NCAPH2: variants seen among roughly 807,000 people sequenced by gnomAD.
NCAPH2 encodes the protein condensin-2 complex subunit H2.
NCAPH2 carries 56 observed loss-of-function variants against 88.6 expected under a neutral mutation model. That is an observed-to-expected ratio of 0.63 (90% CI 0.51 to 0.79). NCAPH2 has a LOEUF of 0.79. NCAPH2 is among the 30% of genes least tolerant of loss of function. The pLI, the probability that NCAPH2 is intolerant of heterozygous loss-of-function variation, is 0.00. For synonymous variants in NCAPH2, 378 were observed against 313.6 expected (o/e 1.21, Z -2.17); for missense variants, 794 against 792.0 (o/e 1.00, Z -0.03).
chr22:50,508,472 GGTGGGCCGGCGGGTGGGGCTGCGGGGC>G, intron 1 of NCAPH2, 27 bp downstream of exon 1: 1 of 1,302,318 alleles, frequency 7.7e-7, no homozygotes, highest in Non-Finnish European at 1.0e-6. Context: ...AGTGACGCGG[GGTGGGCCGGCGGGTGGGGCTGCGGGGC>G]GGGGGCTCCG....
chr22:50,512,850 G>A (rs142823248), intron 1 of NCAPH2, among the ~76,000 whole-genome samples: 48 of 152,152 alleles, frequency 3.2e-4, no homozygotes, highest in Non-Finnish European at 6.8e-4. Context: ...TGGCCAGAAT[G>A]TTCTTCTAGT....
intron 2 of NCAPH2, among the ~76,000 whole-genome samples, chr22:50,517,073 C>T (rs2068944604): frequency 6.6e-6 from 1 of 152,162 alleles, no homozygotes; most frequent in African/African-American, 2.4e-5. Context: ...GGGCTGCAGG[C>T]CGTCGGCAGA....
chr22:50,522,550 C>T lies in NCAPH2; in HGVS notation c.1356C>T (p.Pro452=), dbSNP rs1232530415. 1.9e-6 allele frequency: 3 copies of T among 1,613,798 alleles called. No homozygotes were observed. In the South Asian group the frequency reaches 3.3e-5, roughly 18 times the overall value. ...EEYMEPEGAD[P]REAADLDAVP... ...ACATGGAGCCCGAGGGAGCAGACCC[C>T]AGGGAAGCCGCTGACCTTGGTAGGT... Residue 452 remains proline, a synonymous_variant, in exon 16 of 20, where the codon CCC becomes CCT. Transcript: ENST00000420993.
intron 8 of NCAPH2, 134 bp from the exon 9 acceptor site, chr22:50,519,056 A>G: frequency 1.2e-6 from 1 of 816,272 alleles, no homozygotes; most frequent in Non-Finnish European, 1.9e-6. Context: ...CACGACGAGG[A>G]TGGTGCAAGG....
intron 8 of NCAPH2, 69 bp downstream of exon 8, chr22:50,518,801 T>G: frequency 7.0e-7 from 1 of 1,433,078 alleles, no homozygotes; most frequent in Middle Eastern, 2.4e-4. Context: ...CAGCACCCAG[T>G]GGACAGGGCT....
At chr22:50,508,762 A>G (rs575229875) in intron 1 of NCAPH2, among the ~76,000 whole-genome samples, 2 of 152,338 alleles carry the variant, frequency 1.3e-5, no homozygotes, top group African/African-American at 4.8e-5. Flanking sequence ...CTTTTATTGC[A>G]GTTATTGCGA....
At chr22:50,514,301 G>A (rs77954081) in intron 1 of NCAPH2, among the ~76,000 whole-genome samples, 5,602 of 152,052 alleles carry the variant, frequency 0.037, 156 homozygotes, top group East Asian at 0.12. Flanking sequence ...CGTGGAGAGT[G>A]GACGGGAGGG....
chr22:50,521,222 CTG>C (rs367806998), intron 10 of NCAPH2, among the ~76,000 whole-genome samples, 186 bp downstream of exon 10: 2 of 152,344 alleles, frequency 1.3e-5, no homozygotes, highest in African/African-American at 4.8e-5. Context: ...GTGTTCCCCT[CTG>C]TGATCCAGGA....
In NCAPH2 at chr22:50,523,400, G is replaced by A; in HGVS notation, c.*25G>A. Reference sequence around the variant, plus strand: ...AGTGGGGAGCACCGAGGCAGGGGTGGGGGAATGTGTACTGAGGAGCCGTGT... The same window carrying A: ...AGTGGGGAGCACCGAGGCAGGGGTGAGGGAATGTGTACTGAGGAGCCGTGT... On this transcript the variant is annotated 3_prime_UTR_variant, in exon 20 of 20. Coordinates refer to ENST00000420993, the MANE Select transcript of NCAPH2 (RefSeq NM_152299.4). The A allele has an allele frequency of 6.5e-7, 1 of 1,532,562 alleles. No individual in the cohort carries two copies. The highest frequency in any genetic ancestry group is 2.5e-5 in the East Asian group (1 of 40,732). 94.9% of individuals were successfully genotyped at this position (1,532,562 alleles called of 1,614,324 possible).
chr22:50,520,732 T>C (rs2069063907), intron 9 of NCAPH2: 2 of 486,108 alleles, frequency 4.1e-6, no homozygotes, highest in Admixed American at 3.6e-5. Flanking sequence ...CTAATTTTTT[T>C]TGCATTTTTA....
chr22:50,517,796 A>T lies in NCAPH2; in HGVS notation c.407A>T (p.Asp136Val). 1.2e-6 allele frequency: 2 copies of T among 1,613,872 alleles called. No individual in the cohort carries two copies. Among genetic ancestry groups the T allele is most frequent in the Non-Finnish European group, 1.7e-6 (2 of 1,179,996 alleles). Residue 136 changes from aspartate (D) to valine (V), a missense_variant, in exon 5 of 20, where the codon GAT becomes GTT. Around this residue, in one of 2 missense-constraint regions of NCAPH2, gnomAD observed 735 missense variants for 696.3 expected, o/e 1.06. Transcript: ENST00000420993. ...CGGACTAACGTGGATCTCAAGAATGATCAGACGCCCAGTGTGAGTCCTGGC... is the reference window on the plus strand; with the variant it reads ...CGGACTAACGTGGATCTCAAGAATGTTCAGACGCCCAGTGTGAGTCCTGGC... Reference protein sequence around the residue: ...DSRTNVDLKNDQTPSEVLIIP... With the variant: ...DSRTNVDLKNVQTPSEVLIIP...
At chr22:50,511,385 G>A (rs1490904065) in intron 1 of NCAPH2, among the ~76,000 whole-genome samples, 1 of 143,004 alleles carries the variant, frequency 7.0e-6, no homozygotes, top group Non-Finnish European at 1.5e-5. Context: ...CACCTCCTGG[G>A]TTCACACCAT....
chr22:50,519,819 T>G, intron 9 of NCAPH2: 1 of 912,486 alleles, frequency 1.1e-6, no homozygotes, highest in Non-Finnish European at 1.3e-6. Flanking sequence ...TTTGTCATAT[T>G]CTATTCATTT....
chr22:50,512,768 A>G (rs1288352597), intron 1 of NCAPH2, among the ~76,000 whole-genome samples: 1 of 149,918 alleles, frequency 6.7e-6, no homozygotes, highest in African/African-American at 2.5e-5. Flanking sequence ...CTGTTCTCAA[A>G]CTCCCAAGCT....
chr22:50,521,318 T>C (rs1421715365), intron 10 of NCAPH2, among the ~76,000 whole-genome samples: 1 of 151,960 alleles, frequency 6.6e-6, no homozygotes, highest in Non-Finnish European at 1.5e-5. Context: ...CCCCTACTCC[T>C]CTGGGAGGGT....
intron 7 of NCAPH2, 102 bp from the exon 8 acceptor site, chr22:50,518,547 T>A: frequency 1.6e-6 from 2 of 1,246,612 alleles, no homozygotes; most frequent in South Asian, 2.9e-5. Flanking sequence ...TCTGCTGGTC[T>A]CTGCCCTCCT....
At chr22:50,516,338 CCG>C in intron 1 of NCAPH2, 107 bp from the exon 2 acceptor site, 1 of 928,824 alleles carries the variant, frequency 1.1e-6, no homozygotes, top group Non-Finnish European at 1.7e-6. Context: ...CTAGAGCTGC[CCG>C]TCTCGGGAGG....
At position 50,522,358 on chromosome 22, in the gene NCAPH2, C is replaced by G. The variant is rs1312163732; in HGVS notation, c.1249C>G (p.Leu417Val). 1 of 1,606,036 alleles carries G rather than the reference C, an allele frequency of 6.2e-7. No individual in the cohort carries two copies. Among genetic ancestry groups the G allele is most frequent in the Non-Finnish European group, 8.5e-7 (1 of 1,175,528 alleles). Reference sequence around the variant, plus strand: ...CTCTGGACAGGTGGCTGAGCAGTGGCTGCGGCCTGCAGAGGAGGACCACCT... The same window carrying G: ...CTCTGGACAGGTGGCTGAGCAGTGGGTGCGGCCTGCAGAGGAGGACCACCT... ...LQRREVAEQW[L>V]RPAEEDHLED... is the part of the protein sequence containing the mutation. Residue 417 changes from leucine to valine, a missense_variant, in exon 15 of 20, where the codon CTG (leucine) becomes GTG (valine). Leu to Val is a conservative substitution (Grantham distance 32, BLOSUM62 1). Around this residue, in one of 2 missense-constraint regions of NCAPH2, gnomAD observed 735 missense variants for 696.3 expected, o/e 1.06. Transcript: ENST00000420993.
chr22:50,508,446 G>A lies in NCAPH2; in HGVS notation c.108+1G>A. ...CCAGCTGGGCGAGTATCTGGAGGAG[G>A]TAAGGGCGGCGGGGGAGTGACGCGG... On this transcript the variant is annotated splice_donor_variant, in intron 1 of 19. Coordinates refer to ENST00000420993, the MANE Select transcript of NCAPH2 (RefSeq NM_152299.4). LOFTEE classifies it high-confidence loss of function. 1.1e-6 allele frequency: 1 copy of A among 906,442 alleles called. No homozygotes were observed. Among genetic ancestry groups the A allele is most frequent in the Non-Finnish European group, 1.5e-6 (1 of 679,644 alleles). 56.1% of individuals were successfully genotyped at this position (906,442 alleles called of 1,614,324 possible).
Sources: gnomAD v4.1 joint callset for allele counts (sites outside exome capture counted in the v4.1 genomes callset) on GRCh38, gnomAD v4.1.1 for gene constraint, gnomAD v4.1.1 regional missense constraint, MANE v1.5 for transcripts, NCBI Gene and HGNC (gene_info 2026-07-23, HGNC 2026-07-21) for gene names.